MYO3A: variants seen among roughly 807,000 people sequenced by gnomAD.
MYO3A encodes myosin-IIIa.
In MYO3A, 180 loss-of-function variants were observed where a neutral mutation model predicts 192.7. That is an observed-to-expected ratio of 0.93 (90% CI 0.83 to 1.06). MYO3A has a LOEUF of 1.06. MYO3A is among the 50% of genes least tolerant of loss of function. MYO3A has a pLI of 0.00. For missense variants in MYO3A, 1,896 were observed against 1,905.0 expected (o/e 1.00, Z 0.09); for synonymous variants, 628 against 645.3 (o/e 0.97, Z 0.41).
intron 10 of MYO3A, among the ~76,000 whole-genome samples, chr10:26,041,044 A>G (rs1564485916): frequency 6.6e-6 from 1 of 151,964 alleles, no homozygotes. Flanking sequence ...TTTAGCTCTA[A>G]TATTTGCTTT....
intron 4 of MYO3A, among the ~76,000 whole-genome samples, chr10:25,994,884 T>C (rs1381890135): frequency 2.0e-5 from 3 of 152,238 alleles, no homozygotes; most frequent in Non-Finnish European, 1.5e-5. Flanking sequence ...GATCCACTGT[T>C]AGTCTGATGG....
chr10:26,132,860 G>A (rs1172985702), intron 20 of MYO3A, among the ~76,000 whole-genome samples: 2 of 152,152 alleles, frequency 1.3e-5, no homozygotes, highest in African/African-American at 2.4e-5. Context: ...CTTGCAGAAA[G>A]TAATGTGTAT....
At chr10:26,062,596 C>CA (rs68140188) in intron 10 of MYO3A, among the ~76,000 whole-genome samples, 68,402 of 146,114 alleles carry the variant, frequency 0.47, 17,283 homozygotes, top group Middle Eastern at 0.58. Flanking sequence ...TCATTAGATA[C>CA]TTTTTTTTAA....
At chr10:26,118,286 T>C (rs1236980936) in intron 17 of MYO3A, among the ~76,000 whole-genome samples, 3 of 152,240 alleles carry the variant, frequency 2.0e-5, no homozygotes, top group Non-Finnish European at 4.4e-5. Flanking sequence ...AAGCCCATGC[T>C]GGTTCCTTCA....
intron 23 of MYO3A, among the ~76,000 whole-genome samples, chr10:26,152,805 TG>T (rs1259954875): frequency 6.6e-6 from 1 of 152,164 alleles, no homozygotes; most frequent in Non-Finnish European, 1.5e-5. Flanking sequence ...AAGCCTAGCA[TG>T]GAAACTGTGG....
chr10:26,045,296 ACAAT>A (rs1430857287), intron 10 of MYO3A, among the ~76,000 whole-genome samples: 1 of 152,190 alleles, frequency 6.6e-6, no homozygotes, highest in Admixed American at 6.5e-5. Flanking sequence ...GCATGTGATA[ACAAT>A]CAGCCTGCAA....
intron 34 of MYO3A, among the ~76,000 whole-genome samples, chr10:26,208,114 A>G (rs1334742757): frequency 1.3e-5 from 2 of 152,090 alleles, no homozygotes; most frequent in Non-Finnish European, 2.9e-5. Flanking sequence ...GGTGACAGGC[A>G]ATCAGTGATT....
At chr10:26,026,619 T>A in intron 10 of MYO3A, 87 bp downstream of exon 10, 1 of 1,511,970 alleles carries the variant, frequency 6.6e-7, no homozygotes, top group South Asian at 1.2e-5. Flanking sequence ...TTAAGGTGAA[T>A]AAAATTTGGA....
intron 34 of MYO3A, among the ~76,000 whole-genome samples, chr10:26,207,550 G>A (rs963827406): frequency 2.6e-5 from 4 of 152,184 alleles, no homozygotes; most frequent in Non-Finnish European, 4.4e-5. Flanking sequence ...TTTCCCCATT[G>A]TGTGTTTTTG....
chr10:26,094,340 A>G (rs1026842300), intron 15 of MYO3A, among the ~76,000 whole-genome samples: 1 of 152,128 alleles, frequency 6.6e-6, no homozygotes, highest in African/African-American at 2.4e-5. Flanking sequence ...GCATTATTGG[A>G]AGAGTAAATA....
intron 26 of MYO3A, among the ~76,000 whole-genome samples, chr10:26,158,758 A>G (rs1373050509): frequency 6.6e-6 from 1 of 152,078 alleles, no homozygotes; most frequent in Non-Finnish European, 1.5e-5. Flanking sequence ...ATTTTTAAAG[A>G]TGAAGTCTAT....
intron 23 of MYO3A, among the ~76,000 whole-genome samples, chr10:26,151,252 T>G (rs1564599855): frequency 1.3e-5 from 2 of 152,202 alleles, no homozygotes; most frequent in Non-Finnish European, 2.9e-5. Flanking sequence ...CCTGGTTCTA[T>G]CAATTACTGA....
At chr10:26,142,971 A>C (rs1840248867) in intron 20 of MYO3A, among the ~76,000 whole-genome samples, 1 of 152,208 alleles carries the variant, frequency 6.6e-6, no homozygotes, top group South Asian at 2.1e-4. Flanking sequence ...CCTGAGTATA[A>C]TCAGTTCAGA....
intron 19 of MYO3A, 58 bp from the exon 20 acceptor site, chr10:26,128,333 T>C (rs1368940490): frequency 6.4e-7 from 1 of 1,551,004 alleles, no homozygotes; most frequent in African/African-American, 1.4e-5. Context: ...TAAGATTCCC[T>C]GTTTTACATT....
intron 10 of MYO3A, among the ~76,000 whole-genome samples, chr10:26,047,211 A>G (rs1003980965): frequency 5.9e-5 from 9 of 152,294 alleles, no homozygotes; most frequent in African/African-American, 1.9e-4. Context: ...TCCAACAAAT[A>G]TGTGTACTTA....
chr10:25,954,747 C>A, intron 3 of MYO3A, 127 bp from the exon 4 acceptor site: 1 of 966,648 alleles, frequency 1.0e-6, no homozygotes, highest in Non-Finnish European at 1.6e-6. Flanking sequence ...ATACATAATA[C>A]TAAGCACAGT....
At chr10:26,039,150 C>T (rs1032494979) in intron 10 of MYO3A, among the ~76,000 whole-genome samples, 6 of 151,584 alleles carry the variant, frequency 4.0e-5, no homozygotes, top group African/African-American at 1.5e-4. Flanking sequence ...AAGCGATTCT[C>T]CTGCCTCAGC....
chr10:26,007,069 G>C (rs1270621102), intron 6 of MYO3A, among the ~76,000 whole-genome samples: 1 of 147,516 alleles, frequency 6.8e-6, no homozygotes. Context: ...ATGCAAGGCT[G>C]GTTCAATATA....
intron 4 of MYO3A, among the ~76,000 whole-genome samples, chr10:25,976,514 C>T (rs1206427444): frequency 1.3e-5 from 2 of 152,132 alleles, no homozygotes; most frequent in Non-Finnish European, 2.9e-5. Flanking sequence ...CATGTCCCCT[C>T]CTAAAGACAG....
Sources: allele counts gnomAD v4.1 joint callset (sites outside exome capture counted in the v4.1 genomes callset), GRCh38; gene constraint gnomAD v4.1.1; transcripts MANE v1.5; gene names NCBI Gene and HGNC (gene_info 2026-07-23, HGNC 2026-07-21).